Variants in COL3A1 observed in about 807,000 individuals in gnomAD.
COL3A1 encodes collagen alpha-1(III) chain.
A neutral mutation model predicts 200.9 loss-of-function variants in COL3A1; 46 were observed. The ratio of observed to expected loss-of-function variants is 0.23; its 90% CI spans 0.18 to 0.29. COL3A1 has a LOEUF of 0.29. Among genes scored for constraint, COL3A1 ranks in the 10% least tolerant of loss-of-function variants. The probability of loss-of-function intolerance (pLI) is 1.00; values close to 1 mark genes in which losing one functional copy is unlikely to be tolerated. For missense variants in COL3A1, 1,367 were observed against 1,917.6 expected (o/e 0.71, Z 5.36); for synonymous variants, 650 against 628.0 (o/e 1.03, Z -0.52).
chr2:188,994,554 A>C lies in COL3A1; in HGVS notation c.1307A>C (p.Lys436Thr), dbSNP rs751471411. The C allele has an allele frequency of 6.2e-7, 1 of 1,614,174 alleles. No individual in the cohort carries two copies. Among genetic ancestry groups the C allele is most frequent in the East Asian group, 2.2e-5 (1 of 44,882 alleles). Residue 436 changes from lysine to threonine, a missense_variant, in exon 19 of 51, where the codon AAG becomes ACG. Coordinates refer to ENST00000304636, the MANE Select transcript of COL3A1 (RefSeq NM_000090.4). This position sits in a 1 kb window ranked among gnomAD's most constrained non-coding sequence, Gnocchi z 4.5. The stretch of plus-strand genomic sequence containing the variant: ...GTTATACTTTAGGGTGAGCCTGGTA[A>C]GAATGGTGCCAAAGGAGAGCCCGGA... ...GLRGGAGEPG[K>T]NGAKGEPGPR...
chr2:188,985,058 G>A, intron 2 of COL3A1, 96 bp downstream of exon 2: 1 of 1,408,924 alleles, frequency 7.1e-7, no homozygotes, highest in Admixed American at 1.8e-5. Flanking sequence ...TGAAAGTCAT[G>A]TTCATCAAAT....
chr2:188,991,384 T>A (rs1031082408), intron 11 of COL3A1, 103 bp from the exon 12 acceptor site: 4 of 744,596 alleles, frequency 5.4e-6, no homozygotes, highest in Non-Finnish European at 8.6e-6. Context: ...AATGTATATC[T>A]TTTTCTAGGC....
In COL3A1 at chr2:188,997,011, GTA is replaced by G. The variant is rs1038376496; in HGVS notation, c.1762-142_1762-141del. ...CTCAAAAATATGTATGTGTGTGTGT[GTA>G]TATATATATATGAGACATATATATA... On this transcript the variant is annotated intron_variant, in intron 24 of 50. Transcript: ENST00000304636. Among the ~76,000 whole-genome samples, 3 of 132,076 alleles carry G rather than the reference GTA, an allele frequency of 2.3e-5. No homozygotes were observed. The East Asian group carries it at 7.3e-4, about 32-fold the overall frequency. 86.6% of individuals were successfully genotyped at this position (132,076 alleles called of 152,430 possible).
rs1294762739 is a variant in COL3A1, at chr2:189,010,685, T to C, written c.4049T>C (p.Leu1350Pro). 3 of 1,614,046 alleles carry C rather than the reference T, an allele frequency of 1.9e-6. No homozygotes were observed. Among genetic ancestry groups the C allele is most frequent in the Non-Finnish European group, 2.5e-6 (3 of 1,179,992 alleles). Reference sequence around the variant, plus strand: ...AATCCTGAACTTCCTGAAGATGTCCTTGATGTGCATCTGGCATTCCTTCGA... The same window carrying C: ...AATCCTGAACTTCCTGAAGATGTCCCTGATGTGCATCTGGCATTCCTTCGA... ...YGNPELPEDV[L>P]DVHLAFLRLL... Residue 1350 changes from leucine (L) to proline (P), a missense_variant, in exon 50 of 51, where the codon CTT becomes CCT. By Grantham distance (98) the Leu-to-Pro change is moderately conservative (BLOSUM62 -3). Coordinates refer to ENST00000304636, the MANE Select transcript of COL3A1 (RefSeq NM_000090.4).
chr2:189,007,140 T>TATATATATATA (rs1688609068), intron 44 of COL3A1, 150 bp downstream of exon 44: 1 of 178,376 alleles, frequency 5.6e-6, no homozygotes, highest in Non-Finnish European at 1.0e-5. Flanking sequence ...TATATATATA[T>TATATATATATA]TTGTTCTATC....
intron 1 of COL3A1, among the ~76,000 whole-genome samples, chr2:188,983,964 A>G (rs1688009978): frequency 1.3e-5 from 2 of 151,984 alleles, no homozygotes; most frequent in Non-Finnish European, 2.9e-5. Context: ...AGTACCTTGT[A>G]TATAATTATG....
chr2:188,977,161 T>C lies in COL3A1; in HGVS notation c.79+2593T>C, dbSNP rs147919042. On this transcript the variant is annotated intron_variant, in intron 1 of 50. Transcript: ENST00000304636. ...AAATACATTTTTCATGTCTCTGATGTAGTCCTTATTTGACATAAGTATTTT... is the reference window on the plus strand; with the variant it reads ...AAATACATTTTTCATGTCTCTGATGCAGTCCTTATTTGACATAAGTATTTT... Among the ~76,000 whole-genome samples the C allele has an allele frequency of 2.9e-4, 44 of 152,300 alleles. No individual in the cohort carries two copies. The East Asian group carries it at 7.4e-3, about 25-fold the overall frequency.
At chr2:188,996,564 A>G in intron 24 of COL3A1, 68 bp downstream of exon 24, 1 of 1,328,288 alleles carries the variant, frequency 7.5e-7, no homozygotes, top group Non-Finnish European at 1.1e-6. Flanking sequence ...ATATGGAGTA[A>G]AGAAATGGTC....
intron 14 of COL3A1, 100 bp from the exon 15 acceptor site, chr2:188,992,787 T>A: frequency 1.1e-6 from 1 of 935,596 alleles, no homozygotes; most frequent in South Asian, 1.3e-5. Context: ...TTTATCTGCA[T>A]AAATATCTTC....
At chr2:189,006,909 T>C (rs747224512) in intron 43 of COL3A1, 28 bp from the exon 44 acceptor site, 1 of 1,612,676 alleles carries the variant, frequency 6.2e-7, no homozygotes, top group Non-Finnish European at 8.5e-7. Flanking sequence ...TCCGTGTATG[T>C]CTTCTCAATT....
At chr2:188,992,366 C>A in intron 14 of COL3A1, 138 bp downstream of exon 14, 1 of 755,360 alleles carries the variant, frequency 1.3e-6, no homozygotes, top group South Asian at 1.9e-5. Flanking sequence ...ACATTAGCAT[C>A]TCTGTTGACC....
Position 189,006,990 on chromosome 2 carries a change from T to C in COL3A1, c.3255T>C (p.Pro1085=), listed in dbSNP as rs763604822. The C allele has an allele frequency of 1.2e-6, 2 of 1,611,962 alleles. No homozygotes were observed. The highest frequency in any genetic ancestry group is 1.7e-6 in the Non-Finnish European group (2 of 1,179,466). ...GTCCTGCTGGTTCCCGAGGTGCTCC[T>C]GTAAGTTTTGTCATTTTTTGGTTTT... ...APGPAGSRGA[P]GPQGPRGDKG... Residue 1085 remains proline (P), a splice_region_variant and synonymous_variant, in exon 44 of 51, where the codon CCT becomes CCC. Coordinates refer to ENST00000304636, the MANE Select transcript of COL3A1 (RefSeq NM_000090.4).
intron 34 of COL3A1, 78 bp downstream of exon 34, chr2:189,001,667 T>G: frequency 6.6e-7 from 1 of 1,520,694 alleles, no homozygotes; most frequent in Non-Finnish European, 9.1e-7. Context: ...TTTTTGGCAG[T>G]TTTGCCCTCA....
chr2:189,005,995 A>G (rs557232634), intron 41 of COL3A1, among the ~76,000 whole-genome samples: 1 of 152,066 alleles, frequency 6.6e-6, no homozygotes, highest in South Asian at 2.1e-4. Flanking sequence ...TCATTTTTCT[A>G]ATCACCTCTC....
Position 188,998,736 on chromosome 2 carries a change from T to A in COL3A1, c.2022+18T>A. 1 of 1,611,390 alleles carries A rather than the reference T, an allele frequency of 6.2e-7. No individual in the cohort carries two copies. Among genetic ancestry groups the A allele is most frequent in the Non-Finnish European group, 8.5e-7 (1 of 1,177,680 alleles). On this transcript the variant is annotated intron_variant, in intron 29 of 50. Coordinates refer to ENST00000304636, the MANE Select transcript of COL3A1 (RefSeq NM_000090.4). ...GAGGCAAGGTAGTATTTCAATTTAT[T>A]CTCTACCTTCTTCAGCAGGTTATAG...
rs978290107 is a variant in COL3A1, at chr2:189,005,380, C to T, written c.2962C>T (p.Leu988Phe). 5.0e-6 allele frequency: 8 copies of T among 1,613,994 alleles called. No homozygotes were observed. The African/African-American group carries it at 9.3e-5, about 19-fold the overall frequency. Reference protein sequence around the residue: ...GESGKPGANGLSGERGPPGPQ... With the variant: ...GESGKPGANGFSGERGPPGPQ... The stretch of plus-strand genomic sequence containing the variant: ...AAGTGGGAAACCAGGAGCTAACGGT[C>T]TCAGTGGAGAACGTGGTCCCCCTGG... The change falls in exon 41 of 51, where the codon CTC (leucine) becomes TTC (phenylalanine). Residue 988 changes from leucine to phenylalanine, a missense_variant. Physicochemically the swap from Leu to Phe is conservative, Grantham distance 22. This residue lies in a region of COL3A1 where 846 missense variants were observed against 1,147.9 expected (regional missense o/e 0.74). Transcript: ENST00000304636.
At position 188,984,982 on chromosome 2, in the gene COL3A1, G is replaced by T; in HGVS notation, c.282+20G>T. 1 of 1,603,700 alleles carries T rather than the reference G, an allele frequency of 6.2e-7. No individual in the cohort carries two copies. Among genetic ancestry groups the T allele is most frequent in the Non-Finnish European group, 8.5e-7 (1 of 1,171,580 alleles). On this transcript the variant is annotated intron_variant, in intron 2 of 50. Coordinates refer to ENST00000304636, the MANE Select transcript of COL3A1 (RefSeq NM_000090.4). ...ACTGCTGTGAGTTTAAAGATAAACT[G>T]TACATCTTCAATATTCATATTTAGA...
intron 43 of COL3A1, among the ~76,000 whole-genome samples, chr2:189,006,665 C>T (rs748685537): frequency 1.2e-4 from 19 of 152,054 alleles, no homozygotes; most frequent in African/African-American, 2.2e-4. Flanking sequence ...TACTGAAACC[C>T]GAAATCATAT....
rs1688360344 is a variant in COL3A1 at position 188,997,683 on chromosome 2, T to C, written c.1870-17T>C. 1.2e-6 allele frequency: 2 copies of C among 1,610,580 alleles called. No individual in the cohort carries two copies. Among genetic ancestry groups the C allele is most frequent in the South Asian group, 1.1e-5 (1 of 90,982 alleles). Reference sequence around the variant, plus strand: ...AAAAGGATGTTTACAACAGAGTGTATCATTATACTTTTCTAGGGGCCTGGT... The same window carrying C: ...AAAAGGATGTTTACAACAGAGTGTACCATTATACTTTTCTAGGGGCCTGGT... On this transcript the variant is annotated splice_polypyrimidine_tract_variant and intron_variant, in intron 26 of 50. Transcript: ENST00000304636.
Sources: gnomAD v4.1 joint callset for allele counts (sites outside exome capture counted in the v4.1 genomes callset) on GRCh38, gnomAD v4.1.1 for gene constraint, gnomAD v4.1.1 regional missense constraint, Gnocchi (gnomAD v3.1) non-coding constraint, MANE v1.5 for transcripts, NCBI Gene and HGNC (gene_info 2026-07-23, HGNC 2026-07-21) for gene names.